The following GPR107 variants were observed in gnomAD, a reference collection of about 807,000 sequenced individuals.
GPR107 encodes the protein G protein-coupled receptor 107.
A neutral mutation model predicts 75.5 loss-of-function variants in GPR107; 31 were observed. That is an observed-to-expected ratio of 0.41 (90% confidence interval 0.31 to 0.55). The LOEUF (loss-of-function observed/expected upper bound fraction) is 0.55, where lower values mean the gene tolerates loss of function less well. Ranked by LOEUF, GPR107 falls within the 20% of genes least tolerant of loss-of-function variation. GPR107 has a pLI of 0.26. For missense variants in GPR107, 572 were observed against 665.7 expected (o/e 0.86, Z 1.55); for synonymous variants, 267 against 251.3 (o/e 1.06, Z -0.59).
chr9:130,079,691 G>T lies in GPR107; in HGVS notation c.448G>T (p.Asp150Tyr). ...TQLPKIIFSR[D>Y]EKVLGQSQEP... ...GTTACCAAAGATCATCTTCAGCAGG[G>T]ATGAGAAAGTCCTTGGTCAGAGCCA... is the stretch of plus-strand genomic sequence containing the variant. Residue 150 changes from aspartate to tyrosine, a missense_variant, in exon 5 of 18, where the codon GAT becomes TAT. Transcript: ENST00000347136. The T allele has an allele frequency of 1.2e-6, 2 of 1,612,534 alleles. No homozygotes were observed. Among genetic ancestry groups the T allele is most frequent in the Non-Finnish European group, 1.7e-6 (2 of 1,178,616 alleles).
chr9:130,087,783 G>A (rs1414981398), intron 7 of GPR107, among the ~76,000 whole-genome samples: 1 of 137,962 alleles, frequency 7.2e-6, no homozygotes, highest in African/African-American at 2.8e-5. Context: ...TGCAGCCTGG[G>A]TGACAGAGTG....
At chr9:130,065,112 C>G (rs1468129860) in intron 1 of GPR107, among the ~76,000 whole-genome samples, 1 of 152,164 alleles carries the variant, frequency 6.6e-6, no homozygotes, top group Non-Finnish European at 1.5e-5. Context: ...CGTGTTATTA[C>G]TTTATTTTTG....
At chr9:130,114,532 A>T (rs1203393650) in intron 14 of GPR107, 1 of 414,908 alleles carries the variant, frequency 2.4e-6, no homozygotes, top group Non-Finnish European at 4.8e-6. Flanking sequence ...ACAGGCATGC[A>T]CTACCATGCC....
intron 8 of GPR107, among the ~76,000 whole-genome samples, chr9:130,091,896 A>G (rs1830748510): frequency 1.3e-5 from 2 of 151,846 alleles, no homozygotes; most frequent in Non-Finnish European, 2.9e-5. Flanking sequence ...GGGTTTCACC[A>G]TGTTGGCCAG....
intron 5 of GPR107, among the ~76,000 whole-genome samples, chr9:130,082,305 G>T (rs148465494): frequency 6.6e-6 from 1 of 152,250 alleles, no homozygotes; most frequent in African/African-American, 2.4e-5. Flanking sequence ...CACACAGAAA[G>T]ACTGCATTTG....
chr9:130,073,848 C>G (rs539136475), intron 1 of GPR107, among the ~76,000 whole-genome samples: 1 of 152,188 alleles, frequency 6.6e-6, no homozygotes, highest in Non-Finnish European at 1.5e-5. Flanking sequence ...CTCTGCTTCC[C>G]GGGTTCAAGT....
chr9:130,084,882 C>G (rs1830580078), intron 6 of GPR107, among the ~76,000 whole-genome samples: 1 of 152,138 alleles, frequency 6.6e-6, no homozygotes, highest in Admixed American at 6.6e-5. Flanking sequence ...CAGAAAAGCC[C>G]TCTGGAAGGA....
At chr9:130,072,366 C>T (rs1051113794) in intron 1 of GPR107, among the ~76,000 whole-genome samples, 3 of 151,962 alleles carry the variant, frequency 2.0e-5, no homozygotes, top group Admixed American at 6.6e-5. Flanking sequence ...ACTACAGGCG[C>T]GTGCCACCTC....
At chr9:130,067,052 C>A (rs903556867) in intron 1 of GPR107, among the ~76,000 whole-genome samples, 13 of 151,502 alleles carry the variant, frequency 8.6e-5, no homozygotes, top group African/African-American at 3.2e-4. Flanking sequence ...GATGGAAGGA[C>A]AATAGGAAGA....
chr9:130,114,513 G>T, intron 14 of GPR107: 1 of 380,002 alleles, frequency 2.6e-6, no homozygotes, highest in Non-Finnish European at 5.1e-6. Context: ...CTCCCAAGTA[G>T]CTGGAATTAC....
At chr9:130,134,521 G>A (rs1831904003) in intron 17 of GPR107, among the ~76,000 whole-genome samples, 1 of 152,212 alleles carries the variant, frequency 6.6e-6, no homozygotes, top group Non-Finnish European at 1.5e-5. Flanking sequence ...TGTCTATAGT[G>A]GCCAAAGAAT....
intron 14 of GPR107, among the ~76,000 whole-genome samples, chr9:130,117,949 T>C (rs1831465448): frequency 6.6e-6 from 1 of 152,218 alleles, no homozygotes; most frequent in African/African-American, 2.4e-5. Flanking sequence ...TGAGTCATGA[T>C]TGCATCGTCC....
chr9:130,086,558 A>G (rs543804030), intron 7 of GPR107, 82 bp downstream of exon 7: 2 of 816,908 alleles, frequency 2.4e-6, no homozygotes, highest in African/African-American at 1.7e-5. Flanking sequence ...GGAATTTTGA[A>G]TTTAGGAATA....
At chr9:130,061,992 T>G in intron 1 of GPR107, among the ~76,000 whole-genome samples, 1 of 152,076 alleles carries the variant, frequency 6.6e-6, no homozygotes, top group South Asian at 2.1e-4. Context: ...AGCTTATGTC[T>G]GGAAGAGGAA....
At chr9:130,066,954 C>G (rs572732335) in intron 1 of GPR107, among the ~76,000 whole-genome samples, 1 of 151,940 alleles carries the variant, frequency 6.6e-6, no homozygotes, top group East Asian at 1.9e-4. Context: ...CCACTGCACT[C>G]CAGCCTGGGC....
intron 14 of GPR107, chr9:130,114,614 G>T: frequency 1.7e-6 from 1 of 574,656 alleles, no homozygotes; most frequent in Non-Finnish European, 2.8e-6. Flanking sequence ...TTGAACTCCT[G>T]GCCTCTAGCT....
rs41279172 is a variant in GPR107 at position 130,099,504 on chromosome 9, C to T, written c.911C>T (p.Thr304Ile). The change falls in exon 10 of 18, where the codon ACC becomes ATC. Residue 304 changes from threonine (T) to isoleucine (I), a missense_variant. Thr to Ile is a moderately conservative substitution (Grantham distance 89, BLOSUM62 -1). Transcript: ENST00000347136. ...TGGCTGATGGCGGCCCTTCCTTTCA[C>T]CAAGTCTCTTTCCTTGGTGTTCCAT... is the stretch of plus-strand genomic sequence containing the variant. ...IHWLMAALPF[T>I]KSLSLVFHAI... 3,015 of 1,601,698 alleles carry T rather than the reference C, an allele frequency of 1.9e-3. 4 individuals carry two copies. Among genetic ancestry groups the T allele is most frequent in the Non-Finnish European group, 2.4e-3 (2,801 of 1,168,830 alleles).
chr9:130,110,307 T>G (rs1831264057), intron 14 of GPR107: 2 of 992,222 alleles, frequency 2.0e-6, no homozygotes, highest in Non-Finnish European at 3.1e-6. Flanking sequence ...GTAACTTCCT[T>G]TAACAGGAAC....
At chr9:130,074,056 C>T (rs896537116) in intron 1 of GPR107, among the ~76,000 whole-genome samples, 1 of 152,168 alleles carries the variant, frequency 6.6e-6, no homozygotes, top group Non-Finnish European at 1.5e-5. Flanking sequence ...CACGCCCGGC[C>T]GAGTCCTGGG....
Sources: allele counts gnomAD v4.1 joint callset (sites outside exome capture counted in the v4.1 genomes callset), GRCh38; gene constraint gnomAD v4.1.1; transcripts MANE v1.5; gene names NCBI Gene and HGNC (gene_info 2026-07-23, HGNC 2026-07-21).